KPNA5: variants seen among roughly 807,000 people sequenced by gnomAD.
KPNA5 encodes karyopherin subunit alpha 5.
KPNA5 carries 46 observed loss-of-function variants against 71.3 expected under a neutral mutation model. The observed-to-expected ratio is 0.65, with a 90% confidence interval of 0.51 to 0.83. The LOEUF (loss-of-function observed/expected upper bound fraction) is 0.83. Ranked by LOEUF, KPNA5 falls within the 40% of genes least tolerant of loss-of-function variation. KPNA5 has a pLI of 0.00. For synonymous variants in KPNA5, 207 were observed against 201.4 expected (o/e 1.03, Z -0.24); for missense variants, 547 against 628.3 (o/e 0.87, Z 1.38).
chr6:116,723,410 T>C (rs1160650873), intron 9 of KPNA5, among the ~76,000 whole-genome samples: 1 of 152,094 alleles, frequency 6.6e-6, no homozygotes, highest in Non-Finnish European at 1.5e-5. Context: ...AAATCGAAGT[T>C]TCTAAACACT....
intron 1 of KPNA5, 35 bp downstream of exon 1, chr6:116,681,373 G>A: frequency 1.3e-6 from 2 of 1,562,682 alleles, no homozygotes; most frequent in Admixed American, 3.8e-5. Context: ...GGTTGGGGGA[G>A]CCTCGGTTTT....
At chr6:116,711,180 C>T (rs1290513827) in intron 7 of KPNA5, among the ~76,000 whole-genome samples, 1 of 151,270 alleles carries the variant, frequency 6.6e-6, no homozygotes, top group Non-Finnish European at 1.5e-5. Context: ...AGGTGTGAGC[C>T]ACCGCGCCCA....
intron 12 of KPNA5, 44 bp downstream of exon 12, chr6:116,726,666 CA>C: frequency 7.0e-7 from 1 of 1,430,612 alleles, no homozygotes; most frequent in Non-Finnish European, 9.3e-7. Flanking sequence ...GTAAATGAGA[CA>C]AAAGTTGAAA....
At chr6:116,706,186 C>A (rs549235946) in intron 7 of KPNA5, among the ~76,000 whole-genome samples, 1 of 152,198 alleles carries the variant, frequency 6.6e-6, no homozygotes, top group Non-Finnish European at 1.5e-5. Context: ...TATAAATTAA[C>A]TGAGCACTTT....
At chr6:116,695,270 G>A (rs902279857) in intron 4 of KPNA5, among the ~76,000 whole-genome samples, 1 of 151,922 alleles carries the variant, frequency 6.6e-6, no homozygotes, top group African/African-American at 2.4e-5. Context: ...TTATATAATA[G>A]TAATTCATTA....
At chr6:116,681,791 T>TC (rs1396725165) in intron 1 of KPNA5, among the ~76,000 whole-genome samples, 1 of 151,948 alleles carries the variant, frequency 6.6e-6, no homozygotes, top group Non-Finnish European at 1.5e-5. Context: ...TCCGCCAGCC[T>TC]CCCTCCTCCA....
chr6:116,693,437 G>A (rs554595889), intron 4 of KPNA5, among the ~76,000 whole-genome samples: 40 of 152,258 alleles, frequency 2.6e-4, no homozygotes, highest in African/African-American at 2.4e-4. Flanking sequence ...TCTAACTGGC[G>A]TGAGATGGTA....
intron 5 of KPNA5, 77 bp from the exon 6 acceptor site, chr6:116,701,942 A>C: frequency 3.5e-5 from 45 of 1,280,888 alleles, no homozygotes; most frequent in Non-Finnish European, 4.4e-5. Context: ...GCAGGTCTTT[A>C]CTCCCTCTCT....
rs1266974134 is a variant in KPNA5, at chr6:116,737,089, G to T, written c.*4766G>T. 6.6e-6 allele frequency: 1 copy of T among 151,788 alleles called. No homozygotes were observed. The highest frequency in any genetic ancestry group is 1.5e-5 in the Non-Finnish European group (1 of 67,894). 9.4% of individuals were successfully genotyped at this position (151,788 alleles called of 1,614,324 possible). A position where few individuals can be genotyped will look rare whatever the true frequency, so the allele number is the denominator to read the frequency against. ...GCATGCGTTTACATGTTTGGATATT[G>T]AATTTCCCATATTTGTTCTTCTTAA... On this transcript the variant is annotated 3_prime_UTR_variant, in exon 14 of 14. Coordinates refer to ENST00000368564, the MANE Select transcript of KPNA5 (RefSeq NM_001366306.2).
At chr6:116,691,402 T>A (rs1026788188) in intron 2 of KPNA5, among the ~76,000 whole-genome samples, 1 of 152,162 alleles carries the variant, frequency 6.6e-6, no homozygotes, top group Non-Finnish European at 1.5e-5. Context: ...CAGAGGCACG[T>A]GCTGCCATGC....
intron 1 of KPNA5, among the ~76,000 whole-genome samples, chr6:116,684,166 G>T (rs1583395844): frequency 2.6e-5 from 4 of 152,000 alleles, no homozygotes; most frequent in Admixed American, 2.6e-4. Flanking sequence ...ACTCTCCTTG[G>T]CCTTCTAAAG....
At chr6:116,691,999 G>T in intron 2 of KPNA5, 56 bp from the exon 3 acceptor site, 1 of 1,089,600 alleles carries the variant, frequency 9.2e-7, no homozygotes, top group Non-Finnish European at 1.4e-6. Context: ...GAATTCTATG[G>T]CAACTTAATG....
intron 7 of KPNA5, among the ~76,000 whole-genome samples, chr6:116,715,246 T>G (rs140802355): frequency 6.6e-6 from 1 of 152,120 alleles, no homozygotes; most frequent in African/African-American, 2.4e-5. Context: ...GTTAACAAAC[T>G]CCTGAAATTG....
chr6:116,701,903 A>G, intron 5 of KPNA5, 116 bp from the exon 6 acceptor site: 1 of 812,668 alleles, frequency 1.2e-6, no homozygotes, highest in Non-Finnish European at 1.8e-6. Context: ...ATGAATCTTA[A>G]TATAAGTCAG....
chr6:116,724,544 C>G (rs1191754287), intron 10 of KPNA5, among the ~76,000 whole-genome samples, 169 bp downstream of exon 10: 1 of 152,174 alleles, frequency 6.6e-6, no homozygotes, highest in East Asian at 1.9e-4. Context: ...GATGTGCTGT[C>G]AAGATTGACT....
intron 7 of KPNA5, among the ~76,000 whole-genome samples, chr6:116,712,087 A>G (rs896801622): frequency 2.0e-5 from 3 of 152,124 alleles, no homozygotes; most frequent in African/African-American, 7.2e-5. Flanking sequence ...GACCACAGAC[A>G]CGTGCCACCA....
At chr6:116,689,526 T>G in intron 2 of KPNA5, 73 bp downstream of exon 2, 1 of 1,259,618 alleles carries the variant, frequency 7.9e-7, no homozygotes, top group Non-Finnish European at 1.1e-6. Flanking sequence ...TAATTTTAAA[T>G]GGAAATGTTT....
chr6:116,695,491 G>A (rs1003598981), intron 4 of KPNA5, among the ~76,000 whole-genome samples: 6 of 152,090 alleles, frequency 3.9e-5, no homozygotes, highest in Non-Finnish European at 8.8e-5. Context: ...ATATGAATGG[G>A]TAAGGTTTTG....
chr6:116,711,339 G>T, intron 7 of KPNA5, among the ~76,000 whole-genome samples: 1 of 148,812 alleles, frequency 6.7e-6, no homozygotes, highest in African/African-American at 2.5e-5. Flanking sequence ...TTTTATCTCT[G>T]GTCTTAACTT....
Sources: allele counts gnomAD v4.1 joint callset (sites outside exome capture counted in the v4.1 genomes callset), GRCh38; gene constraint gnomAD v4.1.1; transcripts MANE v1.5; gene names NCBI Gene and HGNC (gene_info 2026-07-23, HGNC 2026-07-21).